GNL2: variants seen among roughly 807,000 people sequenced by gnomAD.
The protein encoded by GNL2 is nucleolar GTP-binding protein 2.
GNL2 carries 51 observed loss-of-function variants against 92.3 expected under a neutral mutation model. The observed-to-expected ratio is 0.55, with a 90% confidence interval of 0.44 to 0.70. GNL2 has a LOEUF of 0.70. Among genes scored for constraint, GNL2 ranks in the 30% least tolerant of loss-of-function variants. The pLI is 0.00. For missense variants in GNL2, 844 were observed against 895.6 expected (o/e 0.94, Z 0.74); for synonymous variants, 283 against 300.6 (o/e 0.94, Z 0.61).
chr1:37,566,857 ACTG>A lies in GNL2; in HGVS notation c.2191_2193del (p.Gln731del), dbSNP rs1557635081. On this transcript the variant is annotated inframe_deletion, in exon 16 of 16. Transcript: ENST00000373062. Reference sequence around the variant, plus strand: ...ATTTAATAAAAACCTTTTAAACATTACTGCTTTTGTCTGAATTTTTTGCGTTTG... The same window carrying A: ...ATTTAATAAAAACCTTTTAAACATTACTTTTGTCTGAATTTTTTGCGTTTG... 1.4e-5 allele frequency: 22 copies of A among 1,612,370 alleles called. No homozygotes were observed. The highest frequency in any genetic ancestry group is 1.7e-5 in the Non-Finnish European group (20 of 1,179,220).
intron 12 of GNL2, among the ~76,000 whole-genome samples, chr1:37,573,282 T>C (rs1199881912): frequency 1.3e-5 from 2 of 152,234 alleles, no homozygotes; most frequent in African/African-American, 4.8e-5. Context: ...CAACTTGGAA[T>C]GGGGTCAGGT....
At chr1:37,572,786 CG>C (rs2148129937) in intron 12 of GNL2, among the ~76,000 whole-genome samples, 1 of 152,286 alleles carries the variant, frequency 6.6e-6, no homozygotes, top group African/African-American at 2.4e-5. Context: ...GTTAGCCGGG[CG>C]TAAGTGTGGA....
In GNL2 at chr1:37,587,471, T is replaced by C; in HGVS notation, c.409A>G (p.Thr137Ala). ...CCAAATGTAGTTTCAAAACTTTCAG[T>C]ATCAAGAATGTGCACCTTCAAGTTC... is the stretch of plus-strand genomic sequence containing the variant. ...PHNLKVHILD[T>A]ESFETTFGPK... Residue 137 changes from threonine to alanine, a missense_variant, in exon 5 of 16, where the codon ACT (threonine) becomes GCT (alanine). Thr to Ala is a moderately conservative substitution (Grantham distance 58, BLOSUM62 0). Transcript: ENST00000373062. 1.2e-6 allele frequency: 2 copies of C among 1,612,134 alleles called. No homozygotes were observed. The highest frequency in any genetic ancestry group is 2.2e-5 in the South Asian group (2 of 90,810).
At chr1:37,571,426 C>T (rs544517757) in intron 12 of GNL2, among the ~76,000 whole-genome samples, 1 of 152,276 alleles carries the variant, frequency 6.6e-6, no homozygotes, top group South Asian at 2.1e-4. Flanking sequence ...TTAAGGATTG[C>T]TTAAAATGTC....
At chr1:37,567,098 T>C in intron 15 of GNL2, 91 bp from the exon 16 acceptor site, 1 of 1,348,742 alleles carries the variant, frequency 7.4e-7, no homozygotes, top group South Asian at 1.3e-5. Flanking sequence ...CTCATCTCTG[T>C]GTTCTATTTC....
At chr1:37,581,948 C>A (rs61776194) in intron 8 of GNL2, among the ~76,000 whole-genome samples, 1 of 151,850 alleles carries the variant, frequency 6.6e-6, no homozygotes, top group African/African-American at 2.4e-5. Context: ...CAGGTGTGAG[C>A]CACCGCGCCC....
Position 37,592,767 on chromosome 1 carries a change from T to C in GNL2, c.189A>G (p.Gln63=), listed in dbSNP as rs746807625. 1 of 1,609,514 alleles carries C rather than the reference T, an allele frequency of 6.2e-7. No individual in the cohort carries two copies. The highest frequency in any genetic ancestry group is 8.5e-7 in the Non-Finnish European group (1 of 1,175,754). The change falls in exon 3 of 16, where the codon CAA becomes CAG. Residue 63 remains glutamine, a synonymous_variant. Transcript: ENST00000373062. ...CCACTGTGCCAGAAGCCACCGTTGA[T>C]TGATATTGCAGGGGTTTAATTATTT... is the stretch of plus-strand genomic sequence containing the variant. ...RGKIIKPLQY[Q]STVASGTVAR...
chr1:37,578,119 A>G (rs1643706887), intron 8 of GNL2, among the ~76,000 whole-genome samples: 1 of 152,136 alleles, frequency 6.6e-6, no homozygotes, highest in Admixed American at 6.5e-5. Flanking sequence ...AGACACTGGT[A>G]TCTACAGGAT....
At chr1:37,567,067 A>T (rs1465858536) in intron 15 of GNL2, 60 bp from the exon 16 acceptor site, 1 of 1,535,976 alleles carries the variant, frequency 6.5e-7, no homozygotes, top group Non-Finnish European at 8.9e-7. Flanking sequence ...AAAGTCATTC[A>T]CAAAACAGGA....
Position 37,576,172 on chromosome 1 carries a change from A to G in GNL2, c.1038+256T>C, listed in dbSNP as rs914294578. 7.4e-5 allele frequency: 29 copies of G among 390,908 alleles called. No homozygotes were observed. The South Asian group carries it at 1.1e-3, about 15-fold the overall frequency. 24.2% of individuals were successfully genotyped at this position (390,908 alleles called of 1,614,324 possible). On this transcript the variant is annotated intron_variant, in intron 9 of 15. Coordinates refer to ENST00000373062, the MANE Select transcript of GNL2 (RefSeq NM_013285.3). ...TTTATCAAAATAAAAGGCTGGAGTG[A>G]TAATTTAAAACAGATCTAAATATGA...
intron 8 of GNL2, among the ~76,000 whole-genome samples, chr1:37,576,767 T>C (rs1440876800): frequency 6.6e-6 from 1 of 152,212 alleles, no homozygotes; most frequent in African/African-American, 2.4e-5. Flanking sequence ...TCCTCAGTCA[T>C]GCAAGTGAAA....
chr1:37,569,608 G>A (rs1025169150), intron 12 of GNL2: 6 of 280,894 alleles, frequency 2.1e-5, no homozygotes, highest in Middle Eastern at 1.2e-3. Context: ...CTTCCCTAGG[G>A]GGCTGCTGAT....
intron 5 of GNL2, among the ~76,000 whole-genome samples, chr1:37,585,554 G>C (rs1643838403): frequency 6.6e-6 from 1 of 152,108 alleles, no homozygotes; most frequent in Non-Finnish European, 1.5e-5. Flanking sequence ...TAGTCTCTAG[G>C]ACATTTACCC....
intron 8 of GNL2, among the ~76,000 whole-genome samples, chr1:37,576,980 C>T (rs907517499): frequency 3.3e-5 from 5 of 151,968 alleles, no homozygotes; most frequent in Non-Finnish European, 5.9e-5. Flanking sequence ...GGCATGGTGG[C>T]GCAAGCCTGT....
intron 6 of GNL2, among the ~76,000 whole-genome samples, chr1:37,583,612 A>T (rs1643806557): frequency 6.6e-6 from 1 of 152,260 alleles, no homozygotes; most frequent in Admixed American, 6.5e-5. Context: ...ATCTTAAAAA[A>T]TACTGACAGG....
At position 37,575,724 on chromosome 1, in the gene GNL2, T is replaced by C. The variant is rs1316116080; in HGVS notation, c.1039-25A>G. On this transcript the variant is annotated intron_variant, in intron 9 of 15. Coordinates refer to ENST00000373062, the MANE Select transcript of GNL2 (RefSeq NM_013285.3). This position sits in a 1 kb window ranked among gnomAD's most constrained non-coding sequence, Gnocchi z 4.1. Reference sequence around the variant, plus strand: ...CCTGAAGTCAGAAAAAAGTCAGAGATGTCCTGTATCAAACACTAAGAGTCT... The same window carrying C: ...CCTGAAGTCAGAAAAAAGTCAGAGACGTCCTGTATCAAACACTAAGAGTCT... 1.4e-6 allele frequency: 2 copies of C among 1,417,146 alleles called. No homozygotes were observed. The highest frequency in any genetic ancestry group is 2.3e-5 in the East Asian group (1 of 42,710). 87.8% of individuals were successfully genotyped at this position (1,417,146 alleles called of 1,614,324 possible). A position where few individuals can be genotyped will look rare whatever the true frequency, so the allele number is the denominator to read the frequency against.
intron 5 of GNL2, among the ~76,000 whole-genome samples, chr1:37,585,121 C>A: frequency 7.3e-6 from 1 of 136,900 alleles, no homozygotes; most frequent in Middle Eastern, 4.3e-3. Flanking sequence ...ATGAGTGGTG[C>A]GATCTTGGCT....
intron 5 of GNL2, among the ~76,000 whole-genome samples, chr1:37,587,039 T>G (rs947669843): frequency 5.3e-5 from 8 of 151,924 alleles, no homozygotes; most frequent in Non-Finnish European, 8.8e-5. Context: ...GGCCAAGGAG[T>G]GTGGATTGCC....
At chr1:37,576,289 C>A in intron 9 of GNL2, 139 bp downstream of exon 9, 2 of 750,716 alleles carry the variant, frequency 2.7e-6, no homozygotes, top group South Asian at 3.6e-5. Flanking sequence ...CTGATACGTT[C>A]CAAACTATTA....
Sources: allele counts gnomAD v4.1 joint callset (sites outside exome capture counted in the v4.1 genomes callset), GRCh38; gene constraint gnomAD v4.1.1; non-coding constraint Gnocchi (gnomAD v3.1); transcripts MANE v1.5; gene names NCBI Gene and HGNC (gene_info 2026-07-23, HGNC 2026-07-21).